Variants in EFNA5 observed in about 807,000 individuals in gnomAD.
The protein encoded by EFNA5 is ephrin A5, also known as ephrin-A5.
A neutral mutation model predicts 22.9 loss-of-function variants in EFNA5; 5 were observed. That is an observed-to-expected ratio of 0.22 (90% CI 0.11 to 0.46). EFNA5 has a LOEUF of 0.46. EFNA5 is among the 20% of genes least tolerant of loss of function. The probability of loss-of-function intolerance (pLI) is 0.99; values close to 1 mark genes in which losing one functional copy is unlikely to be tolerated. For synonymous variants in EFNA5, 113 were observed against 112.2 expected (o/e 1.01, Z -0.04); for missense variants, 237 against 293.3 (o/e 0.81, Z 1.40).
At chr5:107,607,503 T>C (rs1411728446) in intron 1 of EFNA5, among the ~76,000 whole-genome samples, 1 of 152,240 alleles carries the variant, frequency 6.6e-6, no homozygotes, top group East Asian at 1.9e-4. Flanking sequence ...AAACGAATTA[T>C]ATTTTTTTTC....
intron 1 of EFNA5, among the ~76,000 whole-genome samples, chr5:107,485,000 A>T (rs937630122): frequency 2.0e-5 from 3 of 151,978 alleles, no homozygotes; most frequent in African/African-American, 7.2e-5. Flanking sequence ...AGCAGATTTT[A>T]AAAAGAAAAA....
intron 1 of EFNA5, among the ~76,000 whole-genome samples, chr5:107,555,680 C>T (rs1748395429): frequency 1.3e-5 from 2 of 152,120 alleles, no homozygotes; most frequent in Admixed American, 1.3e-4. Context: ...CTTCTATAAT[C>T]GTAGTGTATA....
intron 1 of EFNA5, among the ~76,000 whole-genome samples, chr5:107,471,112 A>G (rs1750129099): frequency 6.6e-6 from 1 of 152,098 alleles, no homozygotes; most frequent in African/African-American, 2.4e-5. Flanking sequence ...AGGCTTTCCC[A>G]GGTTAGGAAC....
At chr5:107,514,256 T>C (rs1345654225) in intron 1 of EFNA5, among the ~76,000 whole-genome samples, 2 of 152,332 alleles carry the variant, frequency 1.3e-5, no homozygotes, top group African/African-American at 4.8e-5. Flanking sequence ...AGAGGTTTTC[T>C]TTTTTGTCAG....
chr5:107,467,540 A>G (rs1484192062), intron 1 of EFNA5, among the ~76,000 whole-genome samples: 3 of 152,204 alleles, frequency 2.0e-5, no homozygotes, highest in African/African-American at 4.8e-5. Flanking sequence ...AATAGTGTCT[A>G]TTTGAAAGAA....
chr5:107,534,537 C>G (rs341276), intron 1 of EFNA5, among the ~76,000 whole-genome samples: 25,965 of 152,158 alleles, frequency 0.17, 2,494 homozygotes, highest in Middle Eastern at 0.38. Context: ...CAATTTTTCC[C>G]TTTTCACATT....
chr5:107,446,681 G>A (rs1207527621), intron 1 of EFNA5, among the ~76,000 whole-genome samples: 2 of 152,140 alleles, frequency 1.3e-5, no homozygotes, highest in Non-Finnish European at 2.9e-5. Flanking sequence ...TTGAACCCAG[G>A]AGGCAGAGGT....
At chr5:107,446,110 T>C (rs1749385797) in intron 1 of EFNA5, among the ~76,000 whole-genome samples, 1 of 152,184 alleles carries the variant, frequency 6.6e-6, no homozygotes, top group African/African-American at 2.4e-5. Context: ...GTTCCTCACC[T>C]GTAACATCAG....
intron 1 of EFNA5, among the ~76,000 whole-genome samples, chr5:107,506,396 TA>T (rs1179648390): frequency 2.6e-5 from 4 of 152,212 alleles, no homozygotes; most frequent in Non-Finnish European, 5.9e-5. Context: ...TCTATTGGTG[TA>T]AGTATTTGTG....
At chr5:107,385,067 A>C (rs557945893) in intron 4 of EFNA5, among the ~76,000 whole-genome samples, 2 of 151,774 alleles carry the variant, frequency 1.3e-5, no homozygotes, top group East Asian at 3.9e-4. Context: ...CCTACGCTCT[A>C]CTCCCCAGCA....
chr5:107,482,282 G>A (rs1174472428), intron 1 of EFNA5, among the ~76,000 whole-genome samples: 1 of 148,596 alleles, frequency 6.7e-6, no homozygotes, highest in Non-Finnish European at 1.5e-5. Flanking sequence ...CTCCAGCCTG[G>A]GTGACAAAAT....
intron 1 of EFNA5, chr5:107,505,989 T>C (rs1334548311): frequency 6.6e-6 from 1 of 152,230 alleles, no homozygotes; most frequent in Non-Finnish European, 1.5e-5. Context: ...CCTGGCAGTC[T>C]GATCCAGTCT....
At chr5:107,651,035 A>G (rs555968459) in intron 1 of EFNA5, among the ~76,000 whole-genome samples, 9 of 152,292 alleles carry the variant, frequency 5.9e-5, no homozygotes, top group African/African-American at 1.7e-4. Context: ...TGCTCTTTTC[A>G]TATTAGCATA....
intron 1 of EFNA5, among the ~76,000 whole-genome samples, chr5:107,658,493 A>C (rs1436167826): frequency 6.6e-6 from 1 of 152,122 alleles, no homozygotes; most frequent in African/African-American, 2.4e-5. Context: ...TATTTGTCTG[A>C]GTTTTGAAGG....
intron 1 of EFNA5, among the ~76,000 whole-genome samples, chr5:107,546,653 C>CAT (rs56013361): frequency 0.13 from 13,706 of 106,360 alleles, 708 homozygotes; most frequent in South Asian, 0.17. Flanking sequence ...GTGCGTAAAA[C>CAT]ACACACACAC....
chr5:107,534,016 C>G (rs542605396), intron 1 of EFNA5, among the ~76,000 whole-genome samples: 1 of 152,184 alleles, frequency 6.6e-6, no homozygotes, highest in Admixed American at 6.5e-5. Context: ...GCTATAAAGA[C>G]TGTTAACCAG....
chr5:107,455,840 G>A (rs934988250), intron 1 of EFNA5, among the ~76,000 whole-genome samples: 13 of 151,990 alleles, frequency 8.6e-5, no homozygotes, highest in Admixed American at 4.6e-4. Context: ...GCCTCATAAT[G>A]AACTATAAAA....
intron 1 of EFNA5, among the ~76,000 whole-genome samples, chr5:107,625,526 A>G (rs1388228353): frequency 6.6e-6 from 1 of 152,156 alleles, no homozygotes; most frequent in African/African-American, 2.4e-5. Flanking sequence ...CACATCTAAA[A>G]TTATTACTCT....
chr5:107,586,447 G>C (rs1259664734), intron 1 of EFNA5, among the ~76,000 whole-genome samples: 2 of 152,154 alleles, frequency 1.3e-5, no homozygotes, highest in Admixed American at 1.3e-4. Flanking sequence ...GATTGAGGGA[G>C]GACGTAGAAC....
Sources: allele counts gnomAD v4.1 joint callset (sites outside exome capture counted in the v4.1 genomes callset), GRCh38; gene constraint gnomAD v4.1.1; transcripts MANE v1.5; gene names NCBI Gene and HGNC (gene_info 2026-07-23, HGNC 2026-07-21).